The following PRKG2 variants were observed in gnomAD, a reference collection of about 807,000 sequenced individuals.
PRKG2 encodes the protein cGMP-dependent protein kinase 2.
Under a neutral mutation model 97.2 loss-of-function variants are expected in PRKG2, and 33 were observed. That is an observed-to-expected ratio of 0.34 (90% CI 0.26 to 0.45). The LOEUF (loss-of-function observed/expected upper bound fraction) is 0.45, where lower values mean the gene tolerates loss of function less well. Among genes scored for constraint, PRKG2 ranks in the 20% least tolerant of loss-of-function variants. The pLI is 1.00. For missense variants in PRKG2, 638 were observed against 900.0 expected, an observed-to-expected ratio of 0.71 and a Z score of 3.73; for synonymous variants, 330 against 321.8, an observed-to-expected ratio of 1.03 and a Z score of -0.27.
In PRKG2 at chr4:81,142,851, G is replaced by C; in HGVS notation, c.1350C>G (p.Phe450Leu). Residue 450 changes from phenylalanine (F) to leucine (L), a missense_variant, in exon 11 of 19, where the codon TTC becomes TTG. Coordinates refer to ENST00000264399, the MANE Select transcript of PRKG2 (RefSeq NM_006259.3). ...KVARFSSSSP[F>L]QNLEIIATLG... ...GTGTTGCAATAATCTCAAGGTTCTG[G>C]AATGGGGATGATGAGGAAAATCTGG... is the stretch of plus-strand genomic sequence containing the variant. 6.2e-7 allele frequency: 1 copy of C among 1,613,124 alleles called. No homozygotes were observed. The highest frequency in any genetic ancestry group is 1.1e-5 in the South Asian group (1 of 90,870).
intron 2 of PRKG2, 22 bp from the exon 3 acceptor site, chr4:81,174,981 G>C (rs1044012059): frequency 6.4e-7 from 1 of 1,553,192 alleles, no homozygotes; most frequent in African/African-American, 1.4e-5. Context: ...GAAAAGAGAT[G>C]TTAGTTACAA....
upstream of PRKG2, among the ~76,000 whole-genome samples, chr4:81,217,049 A>ATATATATATATG (rs1754304146): frequency 7.1e-6 from 1 of 141,674 alleles, no homozygotes; most frequent in Non-Finnish European, 1.5e-5. Flanking sequence ...ATATATATAT[A>ATATATATATATG]TATATGTGTA....
At chr4:81,197,372 A>C (rs1452233319) in intron 2 of PRKG2, among the ~76,000 whole-genome samples, 1 of 152,228 alleles carries the variant, frequency 6.6e-6, no homozygotes, top group Non-Finnish European at 1.5e-5. Context: ...GACCCTTGTT[A>C]AAAGCCAGCA....
intron 14 of PRKG2, among the ~76,000 whole-genome samples, chr4:81,124,747 G>T (rs116621430): frequency 0.014 from 2,196 of 152,160 alleles, 61 homozygotes; most frequent in African/African-American, 0.05. Flanking sequence ...GTAACTTCCC[G>T]AGAGACCTCA....
chr4:81,163,227 T>C (rs1174686680), intron 6 of PRKG2, among the ~76,000 whole-genome samples: 1 of 152,138 alleles, frequency 6.6e-6, no homozygotes, highest in Non-Finnish European at 1.5e-5. Context: ...TAGTGGTAAG[T>C]ACTGACTGTG....
At chr4:81,089,929 GA>G in intron 18 of PRKG2, 126 bp from the exon 19 acceptor site, 2 of 712,756 alleles carry the variant, frequency 2.8e-6, no homozygotes, top group East Asian at 2.7e-5. Flanking sequence ...TTACATACAA[GA>G]AAAAAATGAC....
chr4:81,094,816 G>A (rs1741956988), intron 17 of PRKG2, among the ~76,000 whole-genome samples: 1 of 151,998 alleles, frequency 6.6e-6, no homozygotes, highest in Non-Finnish European at 1.5e-5. Context: ...CTGAGAAAGA[G>A]CCAGAGGCTA....
At chr4:81,180,171 T>A (rs1325495952) in intron 2 of PRKG2, among the ~76,000 whole-genome samples, 5 of 151,738 alleles carry the variant, frequency 3.3e-5, no homozygotes, top group African/African-American at 1.2e-4. Flanking sequence ...AATGAATGAA[T>A]GAAAGCTAAC....
In PRKG2 at chr4:81,135,315, C is replaced by T; in HGVS notation, c.1635-19G>A. 1 of 1,610,672 alleles carries T rather than the reference C, an allele frequency of 6.2e-7. No homozygotes were observed. The highest frequency in any genetic ancestry group is 8.5e-7 in the Non-Finnish European group (1 of 1,178,214). ...GCTGCCTCTGCAACGAAATCATTTT[C>T]CCTCTTAATACTTTGGATACACATC... On this transcript the variant is annotated intron_variant, in intron 13 of 18. Transcript: ENST00000264399.
intron 17 of PRKG2, among the ~76,000 whole-genome samples, chr4:81,096,581 C>G (rs994216540): frequency 1.3e-5 from 2 of 151,964 alleles, no homozygotes; most frequent in African/African-American, 4.8e-5. Flanking sequence ...TTCTTTCAAA[C>G]CCTGCTACTA....
chr4:81,149,013 A>G, intron 8 of PRKG2, 61 bp from the exon 9 acceptor site: 1 of 1,496,934 alleles, frequency 6.7e-7, no homozygotes, highest in Non-Finnish European at 9.3e-7. Context: ...ATCCACTTTT[A>G]TTAGGGAATG....
chr4:81,201,463 T>C (rs2110125906), intron 2 of PRKG2, among the ~76,000 whole-genome samples: 1 of 152,282 alleles, frequency 6.6e-6, no homozygotes, highest in African/African-American at 2.4e-5. Flanking sequence ...CTAATGCCAG[T>C]AGAGTTTCAT....
intron 2 of PRKG2, among the ~76,000 whole-genome samples, chr4:81,178,750 T>C (rs1751146520): frequency 6.6e-6 from 1 of 151,304 alleles, no homozygotes; most frequent in East Asian, 1.9e-4. Flanking sequence ...AATAGAGAAG[T>C]TGAACATACG....
At chr4:81,107,788 G>T (rs959604085) in intron 15 of PRKG2, among the ~76,000 whole-genome samples, 4 of 152,100 alleles carry the variant, frequency 2.6e-5, no homozygotes, top group African/African-American at 9.7e-5. Context: ...TGGGATTACA[G>T]GCACGAGTCA....
At chr4:81,217,318 G>A (rs910297593), upstream of PRKG2, among the ~76,000 whole-genome samples, 2 of 152,066 alleles carry the variant, frequency 1.3e-5, no homozygotes, top group Non-Finnish European at 2.9e-5. Flanking sequence ...TGGGTCATAT[G>A]TACTTTCTTA....
At chr4:81,201,189 A>T (rs900376708) in intron 2 of PRKG2, among the ~76,000 whole-genome samples, 2 of 152,232 alleles carry the variant, frequency 1.3e-5, no homozygotes, top group Non-Finnish European at 2.9e-5. Context: ...GTGACTATTC[A>T]ATGTTTAAAT....
At chr4:81,114,595 T>G (rs1744320973) in intron 14 of PRKG2, among the ~76,000 whole-genome samples, 1 of 152,212 alleles carries the variant, frequency 6.6e-6, no homozygotes, top group Non-Finnish European at 1.5e-5. Context: ...ATGGTTTGAG[T>G]TGGTGATTAT....
intron 3 of PRKG2, 149 bp downstream of exon 3, chr4:81,174,641 CATG>C: frequency 2.8e-6 from 2 of 719,454 alleles, no homozygotes; most frequent in Non-Finnish European, 4.5e-6. Flanking sequence ...TTACCATCAT[CATG>C]ATTAGATCAA....
intron 14 of PRKG2, among the ~76,000 whole-genome samples, chr4:81,120,521 T>A (rs529479948): frequency 2.1e-4 from 32 of 152,330 alleles, no homozygotes; most frequent in Non-Finnish European, 3.2e-4. Flanking sequence ...ATATATTTTG[T>A]TATATTTAAA....
Sources: gnomAD v4.1 joint callset for allele counts (sites outside exome capture counted in the v4.1 genomes callset) on GRCh38, gnomAD v4.1.1 for gene constraint, MANE v1.5 for transcripts, NCBI Gene and HGNC (gene_info 2026-07-23, HGNC 2026-07-21) for gene names.